Variants in PDE4D observed in about 807,000 individuals in gnomAD.
PDE4D encodes the protein 3',5'-cyclic-AMP phosphodiesterase 4D.
Under a neutral mutation model 87.4 loss-of-function variants are expected in PDE4D, and 24 were observed. The ratio of observed to expected loss-of-function variants is 0.27; its 90% CI spans 0.20 to 0.39. PDE4D has a LOEUF of 0.39. Ranked by LOEUF, PDE4D falls within the 10% of genes least tolerant of loss-of-function variation. The pLI is 1.00. For synonymous variants in PDE4D, 384 were observed against 383.2 expected (o/e 1.00, Z -0.02); for missense variants, 714 against 1,041.0 (o/e 0.69, Z 4.32).
intron 1 of PDE4D, among the ~76,000 whole-genome samples, chr5:60,231,712 A>G (rs754282851): frequency 2.0e-5 from 3 of 152,020 alleles, no homozygotes; most frequent in Non-Finnish European, 4.4e-5. Flanking sequence ...GTAATCCTAT[A>G]TAACCATTCC....
intron 1 of PDE4D, among the ~76,000 whole-genome samples, chr5:60,467,336 C>T (rs1747441501): frequency 6.6e-6 from 1 of 152,096 alleles, no homozygotes; most frequent in Non-Finnish European, 1.5e-5. Context: ...CCAGGCCCAG[C>T]CCTGGAATTT....
intron 2 of PDE4D, chr5:60,127,682 C>A (rs1582789175): frequency 1.7e-6 from 1 of 583,366 alleles, no homozygotes. Flanking sequence ...AGTAAGCAGG[C>A]TGTGAGGGGA....
At chr5:60,441,904 CA>C (rs1343622300) in intron 1 of PDE4D, among the ~76,000 whole-genome samples, 2 of 151,834 alleles carry the variant, frequency 1.3e-5, no homozygotes, top group African/African-American at 4.8e-5. Flanking sequence ...CATCTCATGC[CA>C]ATTAGAATAG....
intron 1 of PDE4D, among the ~76,000 whole-genome samples, chr5:60,347,887 A>T (rs1202035804): frequency 6.6e-6 from 1 of 152,140 alleles, no homozygotes; most frequent in African/African-American, 2.4e-5. Flanking sequence ...GATTACACAA[A>T]ACCTCCATAG....
chr5:59,589,894 T>C (rs1825683369), intron 1 of PDE4D, among the ~76,000 whole-genome samples: 1 of 152,196 alleles, frequency 6.6e-6, no homozygotes, highest in South Asian at 2.1e-4. Context: ...TTTTTATACA[T>C]GCAACTGTCT....
At position 59,264,024 on chromosome 5, in the gene PDE4D, C is replaced by A. The variant is rs183175334; in HGVS notation, c.456-48056G>T. ...TAGGTGACAAATAGACAAAACATAT[C>A]AAAAAATACACATGTATTTGTATGT... is the stretch of plus-strand genomic sequence containing the variant. On this transcript the variant is annotated intron_variant, in intron 1 of 14. Transcript: ENST00000340635. 3.4e-3 allele frequency among the ~76,000 whole-genome samples: 521 copies of A among 152,002 alleles called. 2 individuals carry two copies. The highest frequency in any genetic ancestry group is 0.012 in the African/African-American group (490 of 41,514).
intron 1 of PDE4D, among the ~76,000 whole-genome samples, chr5:59,857,348 T>A (rs1745589999): frequency 6.6e-6 from 1 of 152,190 alleles, no homozygotes; most frequent in African/African-American, 2.4e-5. Context: ...GGTTTATGGG[T>A]GATGGACTAG....
At chr5:60,208,054 A>G (rs1453692060) in intron 1 of PDE4D, among the ~76,000 whole-genome samples, 1 of 152,262 alleles carries the variant, frequency 6.6e-6, no homozygotes, top group Non-Finnish European at 1.5e-5. Flanking sequence ...TGTTCCATGC[A>G]TGCAAAATAC....
At chr5:60,472,026 T>C (rs1747853974) in intron 1 of PDE4D, among the ~76,000 whole-genome samples, 1 of 152,116 alleles carries the variant, frequency 6.6e-6, no homozygotes, top group Non-Finnish European at 1.5e-5. Context: ...GGGCAAACCA[T>C]GTAACACCTG....
chr5:59,968,170 G>C (rs1246672937), intron 3 of PDE4D, among the ~76,000 whole-genome samples: 1 of 151,836 alleles, frequency 6.6e-6, no homozygotes, highest in Non-Finnish European at 1.5e-5. Flanking sequence ...TTTTAGTAGA[G>C]ACGGGGTTTC....
At chr5:60,516,313 T>C (rs1216768194) in intron 1 of PDE4D, among the ~76,000 whole-genome samples, 3 of 152,202 alleles carry the variant, frequency 2.0e-5, no homozygotes, top group African/African-American at 7.2e-5. Flanking sequence ...GGAAGGGCAT[T>C]AGAGGCAACA....
At chr5:59,556,208 CT>C (rs1423274015) in intron 1 of PDE4D, among the ~76,000 whole-genome samples, 1 of 152,144 alleles carries the variant, frequency 6.6e-6, no homozygotes, top group African/African-American at 2.4e-5. Context: ...TACTAGTGGC[CT>C]GCACATCTGA....
chr5:59,472,025 T>C (rs1802520938), intron 1 of PDE4D, among the ~76,000 whole-genome samples: 1 of 152,126 alleles, frequency 6.6e-6, no homozygotes, highest in Non-Finnish European at 1.5e-5. Context: ...AGAATATATA[T>C]GACAGTAGGG....
chr5:59,386,373 GAA>G (rs1786990349), intron 1 of PDE4D, among the ~76,000 whole-genome samples: 1 of 152,192 alleles, frequency 6.6e-6, no homozygotes, highest in East Asian at 1.9e-4. Context: ...AAATCTTAAA[GAA>G]AATATTTCTT....
At chr5:60,194,808 T>C (rs1255666167) in intron 1 of PDE4D, among the ~76,000 whole-genome samples, 2 of 151,648 alleles carry the variant, frequency 1.3e-5, no homozygotes, top group African/African-American at 4.8e-5. Context: ...TTCAGGCACT[T>C]TCTAATGTTC....
At chr5:59,032,295 T>C (rs1757696139) in intron 6 of PDE4D, among the ~76,000 whole-genome samples, 1 of 152,294 alleles carries the variant, frequency 6.6e-6, no homozygotes, top group South Asian at 2.1e-4. Flanking sequence ...CAACATATAA[T>C]AGCAGATATG....
chr5:59,578,565 A>G (rs2153699005), intron 1 of PDE4D, among the ~76,000 whole-genome samples: 1 of 152,222 alleles, frequency 6.6e-6, no homozygotes, highest in African/African-American at 2.4e-5. Flanking sequence ...CCTTTTTCCA[A>G]CTTGTTTGAC....
At chr5:59,052,414 TAG>T (rs1282400627) in intron 5 of PDE4D, among the ~76,000 whole-genome samples, 1 of 152,058 alleles carries the variant, frequency 6.6e-6, no homozygotes, top group African/African-American at 2.4e-5. Context: ...AGAAGGGATA[TAG>T]AGTTGAACAC....
At chr5:60,366,241 T>A (rs201875439) in intron 1 of PDE4D, among the ~76,000 whole-genome samples, 1 of 151,992 alleles carries the variant, frequency 6.6e-6, no homozygotes, top group African/African-American at 2.4e-5. Flanking sequence ...ATGCTTTTTT[T>A]CCCCATTTCT....
Sources: gnomAD v4.1 joint callset for allele counts (sites outside exome capture counted in the v4.1 genomes callset) on GRCh38, gnomAD v4.1.1 for gene constraint, MANE v1.5 for transcripts, NCBI Gene and HGNC (gene_info 2026-07-23, HGNC 2026-07-21) for gene names.